THOC6: variants seen among roughly 807,000 people sequenced by gnomAD.
The protein encoded by THOC6 is THO complex 6.
Under a neutral mutation model 55.8 loss-of-function variants are expected in THOC6, and 39 were observed. The observed-to-expected ratio is 0.70, with a 90% confidence interval of 0.54 to 0.91. The LOEUF (loss-of-function observed/expected upper bound fraction) is 0.91, where lower values mean the gene tolerates loss of function less well. Among genes scored for constraint, THOC6 ranks in the 40% least tolerant of loss-of-function variants. The pLI, the probability that THOC6 is intolerant of heterozygous loss-of-function variation, is 0.00. For synonymous variants in THOC6, 192 were observed against 175.6 expected, an observed-to-expected ratio of 1.09 and a Z score of -0.74; for missense variants, 482 against 442.0, an observed-to-expected ratio of 1.09 and a Z score of -0.81.
intron 1 of THOC6, among the ~76,000 whole-genome samples, chr16:3,024,569 C>A (rs548965021): frequency 6.7e-6 from 1 of 148,920 alleles, no homozygotes; most frequent in South Asian, 2.1e-4. Context: ...TAAATCAGTA[C>A]GTTTTTCTAT....
rs757114899 is a variant in THOC6 at position 3,024,372 on chromosome 16, C to A, written c.39+7C>A. 6.2e-7 allele frequency: 1 copy of A among 1,614,076 alleles called. No homozygotes were observed. Among genetic ancestry groups the A allele is most frequent in the African/African-American group, 1.3e-5 (1 of 75,026 alleles). On this transcript the variant is annotated splice_region_variant and intron_variant, in intron 1 of 12. Transcript: ENST00000326266. ...CGCGGTGCCTCTGGGTCAGGTGAGACGGACGTGGTGCGCGTTGCCTTCTGG... is the reference window on the plus strand; with the variant it reads ...CGCGGTGCCTCTGGGTCAGGTGAGAAGGACGTGGTGCGCGTTGCCTTCTGG...
chr16:3,025,406 C>T (rs1256612075), intron 1 of THOC6, among the ~76,000 whole-genome samples: 1 of 152,226 alleles, frequency 6.6e-6, no homozygotes, highest in Non-Finnish European at 1.5e-5. Context: ...ACTAGCTCAT[C>T]TAATTGTGAT....
intron 1 of THOC6, 60 bp downstream of exon 1, chr16:3,024,425 G>C (rs56708449): frequency 0.23 from 370,837 of 1,602,444 alleles, 44,874 homozygotes; most frequent in South Asian, 0.3. Flanking sequence ...TGGCTGGGAC[G>C]GGGCGGGCAG....
intron 1 of THOC6, among the ~76,000 whole-genome samples, chr16:3,025,222 G>C (rs945938416): frequency 6.6e-6 from 1 of 152,152 alleles, no homozygotes; most frequent in Non-Finnish European, 1.5e-5. Context: ...GATTACAGGC[G>C]TGAGCCACTG....
Sources: gnomAD v4.1 joint callset for allele counts (sites outside exome capture counted in the v4.1 genomes callset) on GRCh38, gnomAD v4.1.1 for gene constraint, MANE v1.5 for transcripts, NCBI Gene and HGNC (gene_info 2026-07-23, HGNC 2026-07-21) for gene names.